The following MGST1 variants were observed in gnomAD, a reference collection of about 807,000 sequenced individuals.
The protein encoded by MGST1 is glutathione S-transferase 12.
MGST1 carries 5 observed loss-of-function variants against 8.9 expected under a neutral mutation model. That is an observed-to-expected ratio of 0.56 (90% confidence interval 0.29 to 1.19). MGST1 has a LOEUF of 1.19. MGST1 is among the 50% of genes most tolerant of loss of function. The pLI, the probability that MGST1 is intolerant of heterozygous loss-of-function variation, is 0.08. For synonymous variants in MGST1, 54 were observed against 67.8 expected (o/e 0.80, Z 1.00); for missense variants, 182 against 187.4 (o/e 0.97, Z 0.17).
intron 4 of MGST1, among the ~76,000 whole-genome samples, chr12:16,448,367 CTTAAAA>C (rs1294453007): frequency 1.3e-5 from 2 of 151,696 alleles, no homozygotes; most frequent in Admixed American, 6.6e-5. Context: ...AGCCTAACTA[CTTAAAA>C]CATAAAGCAG....
chr12:16,399,157 T>C (rs1273229381), intron 1 of MGST1: 1 of 1,087,646 alleles, frequency 9.2e-7, no homozygotes, highest in Non-Finnish European at 1.3e-6. Context: ...CCGAAACCCA[T>C]AAACACAAAT....
chr12:16,464,913 T>C (rs566400300), intron 4 of MGST1, among the ~76,000 whole-genome samples: 2 of 152,310 alleles, frequency 1.3e-5, no homozygotes, highest in East Asian at 1.9e-4. Flanking sequence ...ATCTGACTGC[T>C]TTCTATTGGC....
In MGST1 at chr12:16,402,462, G is replaced by A. The variant is rs778697636; in HGVS notation, n.778+18858G>A. 3.6e-4 allele frequency: 569 copies of A among 1,579,892 alleles called. 1 individual carries two copies. The highest frequency in any genetic ancestry group is 4.5e-4 in the Non-Finnish European group (517 of 1,152,178). On this transcript the variant is annotated intron_variant and non_coding_transcript_variant, in intron 1 of 1. Transcript: ENST00000359720. ...TCTCCTCGGGTTCTGAGAATCACGCGATGTCCCGGCTCTGCCACCTGCTCT... is the reference window on the plus strand; with the variant it reads ...TCTCCTCGGGTTCTGAGAATCACGCAATGTCCCGGCTCTGCCACCTGCTCT...
At chr12:16,417,566 T>G (rs1157395840) in intron 1 of MGST1, among the ~76,000 whole-genome samples, 3 of 152,064 alleles carry the variant, frequency 2.0e-5, no homozygotes, top group African/African-American at 7.2e-5. Context: ...CAATGGAGAG[T>G]AGCAGATCAA....
At chr12:16,379,630 T>C (rs1307726162), downstream of MGST1, among the ~76,000 whole-genome samples, 2 of 152,086 alleles carry the variant, frequency 1.3e-5, no homozygotes, top group African/African-American at 2.4e-5. Context: ...TGTCTCTGCC[T>C]GGCTTTGGTA....
chr12:16,444,037 AG>A (rs1405234657), intron 4 of MGST1, among the ~76,000 whole-genome samples: 2 of 151,902 alleles, frequency 1.3e-5, no homozygotes, highest in Non-Finnish European at 1.5e-5. Flanking sequence ...TCAGTCAGAT[AG>A]CGTAGCCAGA....
chr12:16,394,707 T>C (rs1289935015), intron 1 of MGST1, among the ~76,000 whole-genome samples: 1 of 151,900 alleles, frequency 6.6e-6, no homozygotes, highest in Non-Finnish European at 1.5e-5. Flanking sequence ...AAGCAATTCT[T>C]GTGCCTCAGG....
Position 16,548,138 on chromosome 12 carries a change from G to A in MGST1, n.483-41390G>A, listed in dbSNP as rs945019526. Among the ~76,000 whole-genome samples the A allele has an allele frequency of 6.6e-6, 1 of 152,086 alleles. No individual in the cohort carries two copies. The highest frequency in any genetic ancestry group is 1.5e-5 in the Non-Finnish European group (1 of 68,006). On this transcript the variant is annotated intron_variant and non_coding_transcript_variant, in intron 4 of 4. Coordinates refer to the MGST1 transcript ENST00000538857. The surrounding 1 kb of genome is among the most constrained non-coding windows in gnomAD (Gnocchi z 4.2). ...ATGTGCAAAATTACACCCAGCAATTGCTACCTTCATTTTTGAGAGTTTTAT... is the reference window on the plus strand; with the variant it reads ...ATGTGCAAAATTACACCCAGCAATTACTACCTTCATTTTTGAGAGTTTTAT...
rs959723144 is a variant in MGST1 at position 16,589,034 on chromosome 12, G to A, written n.483-494G>A. 3.3e-5 allele frequency among the ~76,000 whole-genome samples: 5 copies of A among 152,052 alleles called. No homozygotes were observed. The highest frequency in any genetic ancestry group is 1.2e-4 in the African/African-American group (5 of 41,422). ...CAGACTTGGAGAGGTTGAGTAAGTT[G>A]CCTAGGAATGTGAAGCTGGGGTGTA... On this transcript the variant is annotated intron_variant and non_coding_transcript_variant, in intron 4 of 4. Coordinates refer to the MGST1 transcript ENST00000538857. This position sits in a 1 kb window ranked among gnomAD's most constrained non-coding sequence, Gnocchi z 4.2.
At chr12:16,493,727 C>T (rs1013201648) in intron 4 of MGST1, among the ~76,000 whole-genome samples, 7 of 152,242 alleles carry the variant, frequency 4.6e-5, no homozygotes, top group Non-Finnish European at 8.8e-5. Flanking sequence ...CCATACCAAC[C>T]TAGCCTCAAG....
At chr12:16,359,386 C>T (rs1939884696) in intron 3 of MGST1, among the ~76,000 whole-genome samples, 1 of 152,202 alleles carries the variant, frequency 6.6e-6, no homozygotes, top group South Asian at 2.1e-4. Context: ...GAATGTTTCT[C>T]TTCTAAGAAG....
chr12:16,578,808 A>T (rs1013505626), intron 4 of MGST1, among the ~76,000 whole-genome samples: 2 of 146,950 alleles, frequency 1.4e-5, no homozygotes, highest in African/African-American at 5.0e-5. Context: ...ACAGAGCGAG[A>T]TTCTGTCTCA....
chr12:16,427,485 C>T (rs1167683261), intron 1 of MGST1, among the ~76,000 whole-genome samples: 6 of 152,238 alleles, frequency 3.9e-5, no homozygotes, highest in Admixed American at 2.6e-4. Flanking sequence ...TGGGTTTAAG[C>T]GATTCACATG....
At chr12:16,381,117 T>C (rs944916944), downstream of MGST1, among the ~76,000 whole-genome samples, 5 of 152,234 alleles carry the variant, frequency 3.3e-5, no homozygotes, top group Admixed American at 2.0e-4. Context: ...TGTCTTTTAA[T>C]TGGAGCATTT....
rs1319360248 is a variant in MGST1 at position 16,503,077 on chromosome 12, G to A, written n.483-86451G>A. On this transcript the variant is annotated intron_variant and non_coding_transcript_variant, in intron 4 of 4. Transcript: ENST00000538857. The surrounding 1 kb of genome is among the most constrained non-coding windows in gnomAD (Gnocchi z 4.8). ...CAATCTCTGAGGGTGGAAGATGCAGGGTGAGGTTTCAGCGGATGGTGTTAA... is the reference window on the plus strand; with the variant it reads ...CAATCTCTGAGGGTGGAAGATGCAGAGTGAGGTTTCAGCGGATGGTGTTAA... Among the ~76,000 whole-genome samples, 1 of 152,166 alleles carries A rather than the reference G, an allele frequency of 6.6e-6. No individual in the cohort carries two copies. The highest frequency in any genetic ancestry group is 1.5e-5 in the Non-Finnish European group (1 of 68,040).
intron 1 of MGST1, among the ~76,000 whole-genome samples, chr12:16,407,122 C>G (rs563625120): frequency 7.9e-5 from 12 of 152,110 alleles, no homozygotes; most frequent in African/African-American, 2.6e-4. Context: ...AGTGAAGAGA[C>G]GAGACAACCT....
chr12:16,384,890 A>G (rs1287535267), intron 1 of MGST1, among the ~76,000 whole-genome samples: 1 of 152,238 alleles, frequency 6.6e-6, no homozygotes, highest in East Asian at 1.9e-4. Flanking sequence ...ATGGCTGCGA[A>G]GCAGTAGGCC....
chr12:16,535,588 G>A (rs1941752501), intron 4 of MGST1, among the ~76,000 whole-genome samples: 1 of 152,200 alleles, frequency 6.6e-6, no homozygotes, highest in South Asian at 2.1e-4. Context: ...ATGGTCTATA[G>A]TGGAACCATG....
intron 1 of MGST1, chr12:16,400,092 G>A: frequency 6.4e-7 from 1 of 1,569,510 alleles, no homozygotes; most frequent in Non-Finnish European, 8.8e-7. Flanking sequence ...AATTCTAAAA[G>A]GCTGTTTTCA....
Sources: allele counts gnomAD v4.1 joint callset (sites outside exome capture counted in the v4.1 genomes callset), GRCh38; gene constraint gnomAD v4.1.1; non-coding constraint Gnocchi (gnomAD v3.1); transcripts MANE v1.5; gene names NCBI Gene and HGNC (gene_info 2026-07-23, HGNC 2026-07-21).